Variants in GLT1D1 observed in about 807,000 individuals in gnomAD.
GLT1D1 encodes glycosyltransferase 1 domain-containing protein 1.
In GLT1D1, 21 loss-of-function variants were observed where a neutral mutation model predicts 28.7. The observed-to-expected ratio is 0.73, with a 90% confidence interval of 0.52 to 1.05. The LOEUF (loss-of-function observed/expected upper bound fraction) is 1.05, where lower values mean the gene tolerates loss of function less well. Among genes scored for constraint, GLT1D1 ranks in the 50% least tolerant of loss-of-function variants. The pLI is 0.00. For synonymous variants in GLT1D1, 147 were observed against 124.8 expected (o/e 1.18, Z -1.19); for missense variants, 343 against 330.6 (o/e 1.04, Z -0.29).
chr12:128,967,319 T>C (rs568280708), intron 7 of GLT1D1, among the ~76,000 whole-genome samples: 1 of 152,348 alleles, frequency 6.6e-6, no homozygotes, highest in South Asian at 2.1e-4. Flanking sequence ...GTTTGGGAAA[T>C]GTGAGGCCCG....
At chr12:128,942,618 C>T (rs1006213940) in intron 4 of GLT1D1, among the ~76,000 whole-genome samples, 5 of 151,438 alleles carry the variant, frequency 3.3e-5, no homozygotes, top group Non-Finnish European at 4.4e-5. Flanking sequence ...CCATGGAAGA[C>T]GCCATCAGGT....
intron 4 of GLT1D1, among the ~76,000 whole-genome samples, chr12:128,918,548 T>A (rs149362044): frequency 6.6e-6 from 1 of 152,320 alleles, no homozygotes; most frequent in East Asian, 1.9e-4. Context: ...AGTATTAAGT[T>A]CTATTGAAAA....
At chr12:128,873,430 G>T (rs1295228986) in intron 1 of GLT1D1, among the ~76,000 whole-genome samples, 2 of 152,222 alleles carry the variant, frequency 1.3e-5, no homozygotes, top group Admixed American at 6.5e-5. Context: ...CCCTGCGGAT[G>T]CACGGTGAGG....
chr12:128,865,160 C>T (rs894951247), intron 1 of GLT1D1, among the ~76,000 whole-genome samples: 7 of 152,330 alleles, frequency 4.6e-5, no homozygotes, highest in Admixed American at 2.6e-4. Context: ...CTATCCTCTG[C>T]GCTGTGGGCC....
chr12:128,879,467 G>C (rs1001996669), intron 2 of GLT1D1, among the ~76,000 whole-genome samples: 1 of 50,464 alleles, frequency 2.0e-5, no homozygotes. Context: ...TCTTTTTTTT[G>C]GGGGGGTGGG....
chr12:128,891,889 G>A (rs1033494730), intron 3 of GLT1D1, among the ~76,000 whole-genome samples: 5 of 152,136 alleles, frequency 3.3e-5, no homozygotes, highest in Non-Finnish European at 7.4e-5. Context: ...AGCCTCAAGA[G>A]GTCCTGATGA....
At chr12:128,966,943 C>A (rs148103438) in intron 7 of GLT1D1, among the ~76,000 whole-genome samples, 1,641 of 152,266 alleles carry the variant, frequency 0.011, 21 homozygotes, top group South Asian at 0.022. Flanking sequence ...CCGCCACAAT[C>A]CTGTTATTTC....
intron 2 of GLT1D1, among the ~76,000 whole-genome samples, chr12:128,887,526 G>A (rs1467285108): frequency 6.9e-6 from 1 of 145,596 alleles, no homozygotes; most frequent in African/African-American, 2.5e-5. Flanking sequence ...CACACACAGA[G>A]CTCCAAAAAA....
At chr12:128,982,267 T>C (rs1343488499) in intron 7 of GLT1D1, among the ~76,000 whole-genome samples, 1 of 152,120 alleles carries the variant, frequency 6.6e-6, no homozygotes, top group African/African-American at 2.4e-5. Flanking sequence ...ACCGATTAAG[T>C]ATGCATCACT....
intron 4 of GLT1D1, among the ~76,000 whole-genome samples, chr12:128,930,828 C>T (rs1873779103): frequency 6.6e-6 from 1 of 152,162 alleles, no homozygotes. Flanking sequence ...TTGATCTGTC[C>T]TCTTTAACTC....
At chr12:128,853,899 T>A (rs1172996151) in intron 1 of GLT1D1, among the ~76,000 whole-genome samples, 1 of 152,126 alleles carries the variant, frequency 6.6e-6, no homozygotes, top group African/African-American at 2.4e-5. Context: ...CGGAGGGGAC[T>A]GAGCAGGTGA....
At chr12:128,966,587 C>G (rs1878480077) in intron 7 of GLT1D1, among the ~76,000 whole-genome samples, 1 of 152,152 alleles carries the variant, frequency 6.6e-6, no homozygotes, top group East Asian at 1.9e-4. Context: ...GAGGCCTCAT[C>G]TGGGGGGTTT....
At chr12:128,927,829 A>G (rs1873389583) in intron 4 of GLT1D1, among the ~76,000 whole-genome samples, 1 of 151,228 alleles carries the variant, frequency 6.6e-6, no homozygotes, top group Non-Finnish European at 1.5e-5. Context: ...TGAAACCCCC[A>G]TCTCTACTAA....
At chr12:128,955,721 G>A (rs2135511248) in intron 6 of GLT1D1, among the ~76,000 whole-genome samples, 1 of 152,154 alleles carries the variant, frequency 6.6e-6, no homozygotes, top group South Asian at 2.1e-4. Context: ...CCTATTTCCA[G>A]CTGGGACTCC....
chr12:128,904,623 C>CTTTTTTTT (rs59189244), intron 4 of GLT1D1, among the ~76,000 whole-genome samples: 3 of 139,284 alleles, frequency 2.2e-5, no homozygotes, highest in Non-Finnish European at 4.5e-5. Context: ...TGAAAACAGT[C>CTTTTTTTT]TTTTTTTTTT....
chr12:128,912,276 A>G, intron 4 of GLT1D1, 148 bp from the exon 5 acceptor site: 3 of 465,132 alleles, frequency 6.4e-6, no homozygotes, highest in Non-Finnish European at 1.1e-5. Flanking sequence ...TTACAGAGTA[A>G]TAAGTCTATG....
chr12:128,976,372 A>C lies in GLT1D1; in HGVS notation c.640-6557A>C, dbSNP rs1206380243. On this transcript the variant is annotated intron_variant, in intron 7 of 7. Coordinates refer to ENST00000281703, the MANE Select transcript of GLT1D1 (RefSeq NM_144669.3). Reference sequence around the variant, plus strand: ...GGTATGTGGGGCGTGTGTGTTTTACAAGCTCCCTTAGAGAGTCTTACAGCA... The same window carrying C: ...GGTATGTGGGGCGTGTGTGTTTTACCAGCTCCCTTAGAGAGTCTTACAGCA... Among the ~76,000 whole-genome samples the C allele has an allele frequency of 2.6e-5, 4 of 152,220 alleles. No individual in the cohort carries two copies. The East Asian group carries it at 7.7e-4, about 29-fold the overall frequency.
At chr12:128,947,147 C>T (rs1250859307) in intron 5 of GLT1D1, 191 bp from the exon 10 acceptor site, 9 of 623,782 alleles carry the variant, frequency 1.4e-5, no homozygotes, top group East Asian at 8.3e-5. Context: ...AAGCAACTCC[C>T]TCCCTCCCTT....
chr12:128,890,933 A>T (rs552798954), intron 3 of GLT1D1, among the ~76,000 whole-genome samples: 41 of 152,202 alleles, frequency 2.7e-4, no homozygotes, highest in African/African-American at 9.6e-4. Flanking sequence ...CGGGAGGCAG[A>T]GGTTGCAGTG....
Sources: allele counts gnomAD v4.1 joint callset (sites outside exome capture counted in the v4.1 genomes callset), GRCh38; gene constraint gnomAD v4.1.1; transcripts MANE v1.5; gene names NCBI Gene and HGNC (gene_info 2026-07-23, HGNC 2026-07-21).